Variants in XDH observed in about 807,000 individuals in gnomAD.
XDH encodes xanthine dehydrogenase/oxidase.
In XDH, 138 loss-of-function variants were observed where a neutral mutation model predicts 156.1. The ratio of observed to expected loss-of-function variants is 0.88; its 90% CI spans 0.77 to 1.02. The LOEUF is 1.02. Among genes scored for constraint, XDH ranks in the 50% least tolerant of loss-of-function variants. The probability of loss-of-function intolerance (pLI) is 0.00; values close to 1 mark genes in which losing one functional copy is unlikely to be tolerated. For missense variants in XDH, 1,849 were observed against 1,684.9 expected (o/e 1.10, Z -1.71); for synonymous variants, 669 against 625.7 (o/e 1.07, Z -1.03).
chr2:31,402,423 T>C (rs1266357504), intron 3 of XDH, among the ~76,000 whole-genome samples: 1 of 152,196 alleles, frequency 6.6e-6, no homozygotes, highest in Non-Finnish European at 1.5e-5. Flanking sequence ...AAAAATTGTA[T>C]CATGCCTGAG....
chr2:31,375,010 TC>T (rs1440371583), intron 15 of XDH, among the ~76,000 whole-genome samples: 2 of 111,630 alleles, frequency 1.8e-5, no homozygotes, highest in African/African-American at 9.6e-5. Context: ...TTTCTTTCTT[TC>T]TTTCTTTCTT....
At chr2:31,363,492 A>G (rs1385718560) in intron 24 of XDH, among the ~76,000 whole-genome samples, 4 of 152,224 alleles carry the variant, frequency 2.6e-5, no homozygotes, top group Admixed American at 2.0e-4. Context: ...CAAATGATGC[A>G]AGACATCATT....
At chr2:31,366,848 A>G (rs755655782) in intron 21 of XDH, 22 bp downstream of exon 21, 1 of 1,613,694 alleles carries the variant, frequency 6.2e-7, no homozygotes, top group Non-Finnish European at 8.5e-7. Context: ...CAGCCCCTTG[A>G]GCTGACCCAA....
At position 31,364,188 on chromosome 2, in the gene XDH, A is replaced by T; in HGVS notation, c.2601T>A (p.Asn867Lys). 2 of 1,614,124 alleles carry T rather than the reference A, an allele frequency of 1.2e-6. No homozygotes were observed. The highest frequency in any genetic ancestry group is 1.7e-6 in the Non-Finnish European group (2 of 1,180,018). ...VVALEVDHFSNVGNTQDLSQS... is the reference protein window; with the variant it reads ...VVALEVDHFSKVGNTQDLSQS... ...GAGAGAGATCCTGGGTGTTCCCCACATTGCTGAAGTGGTCCACCTCAAGAG... is the reference window on the plus strand; with the variant it reads ...GAGAGAGATCCTGGGTGTTCCCCACTTTGCTGAAGTGGTCCACCTCAAGAG... Residue 867 changes from asparagine (N) to lysine (K), a missense_variant, in exon 24 of 36, where the codon AAT becomes AAA. By Grantham distance (94) the Asn-to-Lys change is moderately conservative (BLOSUM62 0). Transcript: ENST00000379416.
intron 14 of XDH, 23 bp from the exon 15 acceptor site, chr2:31,375,577 A>T (rs1282992080): frequency 6.2e-7 from 1 of 1,610,998 alleles, no homozygotes; most frequent in East Asian, 2.2e-5. Flanking sequence ...AGGGCGTGGG[A>T]CAGCGCTCCC....
chr2:31,346,726 T>C (rs1558677354), intron 30 of XDH, 43 bp downstream of exon 30: 1 of 1,612,606 alleles, frequency 6.2e-7, no homozygotes, highest in Non-Finnish European at 8.5e-7. Flanking sequence ...GCTGTCAATT[T>C]CCCTCTCCTT....
At chr2:31,343,516 A>G (rs1685194691) in intron 31 of XDH, among the ~76,000 whole-genome samples, 2 of 145,356 alleles carry the variant, frequency 1.4e-5, no homozygotes, top group Non-Finnish European at 3.0e-5. Context: ...ATATGTATAT[A>G]AAGCATACAT....
rs534346427 is a variant in XDH at position 31,335,763 on chromosome 2, T to G, written c.*195A>C. 1 of 656,200 alleles carries G rather than the reference T, an allele frequency of 1.5e-6. No individual in the cohort carries two copies. The highest frequency in any genetic ancestry group is 1.8e-5 in the African/African-American group (1 of 55,502). The allele number at this position is 656,200 out of a possible 1,614,324, so 40.6% of individuals were successfully genotyped here. On this transcript the variant is annotated 3_prime_UTR_variant, in exon 36 of 36. Transcript: ENST00000379416. ...CATTTAGGCATAACAGTTTTGAATT[T>G]GCTTATCATTGTGTTTACAAATTAC...
intron 6 of XDH, among the ~76,000 whole-genome samples, chr2:31,397,096 A>G (rs1424978684): frequency 2.0e-5 from 3 of 152,254 alleles, no homozygotes; most frequent in African/African-American, 7.2e-5. Flanking sequence ...CTTCCTTGCC[A>G]GATGGCAGGT....
intron 6 of XDH, among the ~76,000 whole-genome samples, chr2:31,396,235 G>A (rs206857): frequency 0.19 from 29,302 of 152,082 alleles, 3,114 homozygotes; most frequent in African/African-American, 0.27. Context: ...AGTTCTGCAT[G>A]GTGAAATCAA....
intron 21 of XDH, among the ~76,000 whole-genome samples, chr2:31,366,567 C>G (rs1685919929): frequency 6.6e-6 from 1 of 152,178 alleles, no homozygotes; most frequent in Non-Finnish European, 1.5e-5. Flanking sequence ...GCCATAGGCA[C>G]TGAAATGATA....
At chr2:31,337,268 T>G (rs1041862414) in intron 35 of XDH, among the ~76,000 whole-genome samples, 10 of 151,738 alleles carry the variant, frequency 6.6e-5, no homozygotes, top group African/African-American at 2.4e-4. Flanking sequence ...TCATACAGTG[T>G]CCTTAACATA....
In XDH at chr2:31,372,299, G is replaced by C. The variant is rs140066757; in HGVS notation, c.1785C>G (p.Asp595Glu). 11 of 1,614,114 alleles carry C rather than the reference G, an allele frequency of 6.8e-6. No homozygotes were observed. The African/African-American group carries it at 1.5e-4, about 22-fold the overall frequency. The change falls in exon 17 of 36, where the codon GAC (aspartate) becomes GAG (glutamate). Residue 595 changes from aspartate (D) to glutamate (E), a missense_variant. Physicochemically the swap from Asp to Glu is conservative, Grantham distance 45. Coordinates refer to ENST00000379416, the MANE Select transcript of XDH (RefSeq NM_000379.4). ...MQASGEAVYC[D>E]DIPRYENELS... ...GCTCATTCTCGTAGCGAGGAATGTC[G>C]TCACAGTACACGGCCTCACCAGAGG...
Position 31,372,392 on chromosome 2 carries a change from C to A in XDH, c.1692G>T (p.Val564=), listed in dbSNP as rs771175591. 2 of 1,614,032 alleles carry A rather than the reference C, an allele frequency of 1.2e-6. No individual in the cohort carries two copies. Among genetic ancestry groups the A allele is most frequent in the Non-Finnish European group, 1.7e-6 (2 of 1,180,044 alleles). ...PPADVQLFQE[V]PKGQSEEDMV... is the part of the protein sequence containing the mutation. ...TGTCCTCCTCAGACTGACCCTTGGG[C>A]ACCTCCTGGAATGACAGGGTCATCA... Residue 564 remains valine (V), a synonymous_variant, in exon 17 of 36, where the codon GTG becomes GTT. Transcript: ENST00000379416.
At chr2:31,411,953 G>GAGTA (rs1045834239) in intron 1 of XDH, among the ~76,000 whole-genome samples, 2 of 130,282 alleles carry the variant, frequency 1.5e-5, no homozygotes, top group East Asian at 4.2e-4. Flanking sequence ...AGTGAATGAT[G>GAGTA]AGTAAGTGAG....
At position 31,383,739 on chromosome 2, in the gene XDH, G is replaced by A; in HGVS notation, c.886+16C>T. On this transcript the variant is annotated intron_variant, in intron 10 of 35. Coordinates refer to ENST00000379416, the MANE Select transcript of XDH (RefSeq NM_000379.4). ...CTCACAGCCCCTCCATAAGCTTGGA[G>A]TGAACCTCCTCTTACCGTCGGGTCC... 1 of 1,612,062 alleles carries A rather than the reference G, an allele frequency of 6.2e-7. No homozygotes were observed.
In XDH at chr2:31,334,592, G is replaced by C. The variant is rs1461462042; in HGVS notation, c.*1366C>G. 6.6e-6 allele frequency: 1 copy of C among 152,124 alleles called. No homozygotes were observed. Among genetic ancestry groups the C allele is most frequent in the South Asian group, 2.1e-4 (1 of 4,832 alleles). The allele number at this position is 152,124 out of a possible 1,614,324, so 9.4% of individuals were successfully genotyped here. A position where few individuals can be genotyped will look rare whatever the true frequency, so the allele number is the denominator to read the frequency against. On this transcript the variant is annotated 3_prime_UTR_variant, in exon 36 of 36. Coordinates refer to ENST00000379416, the MANE Select transcript of XDH (RefSeq NM_000379.4). ...ATCTCAGCAGAGTTCATTAGACCCAGGTATCATATGACAGTAAGAAAACCA... is the reference window on the plus strand; with the variant it reads ...ATCTCAGCAGAGTTCATTAGACCCACGTATCATATGACAGTAAGAAAACCA...
chr2:31,400,168 C>A (rs955763578), intron 4 of XDH, among the ~76,000 whole-genome samples: 1 of 151,920 alleles, frequency 6.6e-6, no homozygotes, highest in Admixed American at 6.6e-5. Context: ...CCAGCTCCAT[C>A]GCCTGAATGA....
chr2:31,377,919 G>C (rs1242704023), intron 13 of XDH, among the ~76,000 whole-genome samples: 1 of 151,364 alleles, frequency 6.6e-6, no homozygotes, highest in African/African-American at 2.4e-5. Flanking sequence ...TACTTGGGAG[G>C]GTGAAGTGAG....
Sources: allele counts gnomAD v4.1 joint callset (sites outside exome capture counted in the v4.1 genomes callset), GRCh38; gene constraint gnomAD v4.1.1; transcripts MANE v1.5; gene names NCBI Gene and HGNC (gene_info 2026-07-23, HGNC 2026-07-21).